The following ISOC1 variants were observed in gnomAD, a reference collection of about 807,000 sequenced individuals.
The protein encoded by ISOC1 is isochorismatase domain-containing protein 1.
In ISOC1, 33 loss-of-function variants were observed where a neutral mutation model predicts 30.0. The observed-to-expected ratio is 1.10, with a 90% confidence interval of 0.83 to 1.47. The LOEUF (loss-of-function observed/expected upper bound fraction) is 1.47. ISOC1 is among the 40% of genes most tolerant of loss of function. The pLI is 0.00. For missense variants in ISOC1, 372 were observed against 388.0 expected, an observed-to-expected ratio of 0.96 and a Z score of 0.35; for synonymous variants, 178 against 159.8, an observed-to-expected ratio of 1.11 and a Z score of -0.86.
chr5:129,095,891 G>A (rs1753494584), intron 1 of ISOC1, among the ~76,000 whole-genome samples: 1 of 152,118 alleles, frequency 6.6e-6, no homozygotes, highest in Admixed American at 6.6e-5. Flanking sequence ...GTTCACTGGC[G>A]AATTTATATT....
chr5:129,103,800 T>A (rs1753600259), intron 1 of ISOC1, among the ~76,000 whole-genome samples: 1 of 152,044 alleles, frequency 6.6e-6, no homozygotes, highest in African/African-American at 2.4e-5. Flanking sequence ...CTGTAGGTGG[T>A]TTTAGGGGAA....
At chr5:129,096,057 C>T (rs999627236) in intron 1 of ISOC1, among the ~76,000 whole-genome samples, 2 of 151,976 alleles carry the variant, frequency 1.3e-5, no homozygotes, top group Non-Finnish European at 1.5e-5. Flanking sequence ...CATTTTCTTT[C>T]TTTTTTGTTT....
At chr5:129,111,851 A>G (rs1360958266) in intron 4 of ISOC1, among the ~76,000 whole-genome samples, 1 of 152,010 alleles carries the variant, frequency 6.6e-6, no homozygotes, top group Non-Finnish European at 1.5e-5. Context: ...TGGCAAGGAT[A>G]TTCTTTGACC....
Position 129,107,079 on chromosome 5 carries a change from G to T in ISOC1, c.750+17G>T, listed in dbSNP as rs1316498836. ...GCCCTCGAGGTAATTGTCCTGCTTG[G>T]GAATAGATCATTTGTCAAGTTTTCC... On this transcript the variant is annotated intron_variant, in intron 4 of 4. Coordinates refer to ENST00000173527, the MANE Select transcript of ISOC1 (RefSeq NM_016048.2). The T allele has an allele frequency of 6.4e-7, 1 of 1,572,472 alleles. No individual in the cohort carries two copies. Among genetic ancestry groups the T allele is most frequent in the Non-Finnish European group, 8.8e-7 (1 of 1,142,816 alleles).
chr5:129,107,127 A>ATATTT, intron 4 of ISOC1, 65 bp downstream of exon 4: 1 of 1,266,402 alleles, frequency 7.9e-7, no homozygotes, highest in Non-Finnish European at 1.2e-6. Context: ...AGAATACTGG[A>ATATTT]TATTTAACAG....
Position 129,104,976 on chromosome 5 carries a change from T to TA in ISOC1, c.331dup (p.Thr111AsnfsTer11). 1.2e-6 allele frequency: 2 copies of TA among 1,613,648 alleles called. No individual in the cohort carries two copies. The highest frequency in any genetic ancestry group is 1.7e-5 in the Admixed American group (1 of 60,008). On this transcript the variant is annotated frameshift_variant, in exon 2 of 5. Transcript: ENST00000173527. LOFTEE classifies it high-confidence loss of function. ...CTCAGCTCACTACCCTGGGAAATCT[T>TA]ACACCTTCAAGCACTGTGTTTTTCT...
intron 4 of ISOC1, among the ~76,000 whole-genome samples, chr5:129,108,228 A>G (rs903546596): frequency 2.0e-5 from 3 of 152,112 alleles, no homozygotes; most frequent in African/African-American, 4.8e-5. Flanking sequence ...AGGTAGAGCA[A>G]ATGAGAAAGG....
chr5:129,109,864 A>T (rs1753683362), intron 4 of ISOC1, among the ~76,000 whole-genome samples: 1 of 152,196 alleles, frequency 6.6e-6, no homozygotes, highest in African/African-American at 2.4e-5. Context: ...ACTGAAGATA[A>T]TTCCCAAGAC....
intron 3 of ISOC1, among the ~76,000 whole-genome samples, chr5:129,106,067 A>G (rs1057349299): frequency 1.3e-5 from 2 of 152,168 alleles, no homozygotes; most frequent in Admixed American, 6.5e-5. Context: ...TGTATATTCA[A>G]TATTTCTGTA....
At chr5:129,109,673 C>G (rs3798116) in intron 4 of ISOC1, among the ~76,000 whole-genome samples, 110,214 of 152,048 alleles carry the variant, frequency 0.72, 41,276 homozygotes, top group African/African-American at 0.91. Context: ...TGATAGGGAA[C>G]ACCTGCCATA....
At position 129,112,963 on chromosome 5, in the gene ISOC1, G is replaced by A. The variant is rs1448118799; in HGVS notation, c.859G>A (p.Ala287Thr). 1 of 1,613,534 alleles carries A rather than the reference G, an allele frequency of 6.2e-7. No homozygotes were observed. Among genetic ancestry groups the A allele is most frequent in the South Asian group, 1.1e-5 (1 of 91,060 alleles). ...CAAGGAAATTCAGAATCTAATTAAG[G>A]CGAGTGCTCCAGAGTCGGGTCTGCT... ...KFKEIQNLIK[A>T]SAPESGLLSK... Residue 287 changes from alanine (A) to threonine (T), a missense_variant, in exon 5 of 5, where the codon GCG becomes ACG. Coordinates refer to ENST00000173527, the MANE Select transcript of ISOC1 (RefSeq NM_016048.2).
intron 3 of ISOC1, among the ~76,000 whole-genome samples, chr5:129,106,321 A>G (rs1479977255): frequency 6.6e-6 from 1 of 152,230 alleles, no homozygotes; most frequent in Admixed American, 6.5e-5. Context: ...TGGTTGTAAT[A>G]CATGATTCAG....
At chr5:129,095,126 C>T (rs1252369319) in intron 1 of ISOC1, 51 bp downstream of exon 1, 3 of 1,475,276 alleles carry the variant, frequency 2.0e-6, no homozygotes, top group East Asian at 2.5e-5. Flanking sequence ...TCGTCCCCGT[C>T]CCCGTCCCTG....
chr5:129,096,792 GT>G (rs1176294579), intron 1 of ISOC1, among the ~76,000 whole-genome samples: 6 of 152,124 alleles, frequency 3.9e-5, no homozygotes, highest in African/African-American at 1.2e-4. Context: ...AGCATTTCCT[GT>G]TACGGCTTGG....
chr5:129,112,861 G>A lies in ISOC1; in HGVS notation c.757G>A (p.Ala253Thr), dbSNP rs778499451. The change falls in exon 5 of 5, where the codon GCT (alanine) becomes ACT (threonine). Residue 253 changes from alanine (A) to threonine (T), a missense_variant. By Grantham distance (58) the Ala-to-Thr change is moderately conservative (BLOSUM62 0). Coordinates refer to ENST00000173527, the MANE Select transcript of ISOC1 (RefSeq NM_016048.2). ...MDRMFALERL[A>T]RTGIIVTTSE... ...CTTTATCTTTTTGTTCAAGCGTCTCGCTCGAACCGGGATCATAGTGACCAC... is the reference window on the plus strand; with the variant it reads ...CTTTATCTTTTTGTTCAAGCGTCTCACTCGAACCGGGATCATAGTGACCAC... 6 of 1,611,600 alleles carry A rather than the reference G, an allele frequency of 3.7e-6. No individual in the cohort carries two copies. The Admixed American group carries it at 5.0e-5, about 14-fold the overall frequency.
intron 2 of ISOC1, 53 bp downstream of exon 2, chr5:129,105,128 T>C (rs1484097999): frequency 1.2e-6 from 2 of 1,612,888 alleles, no homozygotes; most frequent in Admixed American, 1.7e-5. Context: ...TATACACTCA[T>C]ATATACACAT....
At chr5:129,102,801 G>A (rs1457248281) in intron 1 of ISOC1, among the ~76,000 whole-genome samples, 1 of 152,134 alleles carries the variant, frequency 6.6e-6, no homozygotes, top group African/African-American at 2.4e-5. Context: ...CCTGCCTCCA[G>A]CAGTTTCCTT....
rs752226934 is a variant in ISOC1 at position 129,094,994 on chromosome 5, G to A, written c.228G>A (p.Glu76=). The part of the protein sequence containing the change: ...RKFVVQLFAE[E]WGQYVDLPKG... ...TCGTGGTGCAGCTGTTCGCCGAGGA[G>A]TGGGGCCAGTACGTGGACTTGCCCA... Residue 76 remains glutamate, a synonymous_variant, in exon 1 of 5, where the codon GAG becomes GAA. Transcript: ENST00000173527. The A allele has an allele frequency of 1.2e-6, 2 of 1,610,308 alleles. No individual in the cohort carries two copies. The highest frequency in any genetic ancestry group is 2.7e-5 in the African/African-American group (2 of 74,974).
rs1442459283 is a variant in ISOC1 at position 129,105,269 on chromosome 5, G to T, written c.514G>T (p.Asp172Tyr). The T allele has an allele frequency of 1.9e-6, 3 of 1,613,770 alleles. No individual in the cohort carries two copies. In the African/African-American group the frequency reaches 4.0e-5, roughly 22 times the overall value. ...TCTTGGGAGCACGGTTCAAGAAATTGATTTAACAGGTGTAAAACTGGTACT... is the reference window on the plus strand; with the variant it reads ...TCTTGGGAGCACGGTTCAAGAAATTTATTTAACAGGTGTAAAACTGGTACT... ...KGLGSTVQEI[D>Y]LTGVKLVLPK... is the part of the protein sequence containing the mutation. The change falls in exon 3 of 5, where the codon GAT becomes TAT. Residue 172 changes from aspartate to tyrosine, a missense_variant. Asp to Tyr is a radical substitution (Grantham distance 160). Coordinates refer to ENST00000173527, the MANE Select transcript of ISOC1 (RefSeq NM_016048.2).
Sources: allele counts gnomAD v4.1 joint callset (sites outside exome capture counted in the v4.1 genomes callset), GRCh38; gene constraint gnomAD v4.1.1; transcripts MANE v1.5; gene names NCBI Gene and HGNC (gene_info 2026-07-23, HGNC 2026-07-21).